The following RIOX2 variants were observed in gnomAD, a reference collection of about 807,000 sequenced individuals.
RIOX2 encodes 60S ribosomal protein L27a histidine hydroxylase.
RIOX2 carries 43 observed loss-of-function variants against 51.2 expected under a neutral mutation model. The observed-to-expected ratio is 0.84, with a 90% confidence interval of 0.66 to 1.08. RIOX2 has a LOEUF of 1.08. Ranked by LOEUF, RIOX2 falls within the 50% of genes least tolerant of loss-of-function variation. RIOX2 has a pLI of 0.00. For synonymous variants in RIOX2, 226 were observed against 218.5 expected (o/e 1.03, Z -0.30); for missense variants, 566 against 561.7 (o/e 1.01, Z -0.08).
chr3:97,945,283 A>T lies in RIOX2; in HGVS notation c.1299T>A (p.Ser433Arg). 1.9e-6 allele frequency: 3 copies of T among 1,612,642 alleles called. No individual in the cohort carries two copies. Among genetic ancestry groups the T allele is most frequent in the Non-Finnish European group, 2.5e-6 (3 of 1,178,988 alleles). ...TCAGGTCCTTGACAGAAATAGCTGGACTATTCCAAATTTGCTTCAGTGCAT... is the reference window on the plus strand; with the variant it reads ...TCAGGTCCTTGACAGAAATAGCTGGTCTATTCCAAATTTGCTTCAGTGCAT... ...HLDALKQIWN[S>R]PAISVKDLKL... The change falls in exon 10 of 10, where the codon AGT becomes AGA. Residue 433 changes from serine to arginine, a missense_variant. Ser to Arg is a moderately radical substitution (Grantham distance 110). Transcript: ENST00000394198.
At chr3:97,952,192 G>A (rs1459524972) in intron 5 of RIOX2, 2 of 1,289,720 alleles carry the variant, frequency 1.6e-6, no homozygotes, top group South Asian at 1.2e-5. Flanking sequence ...TCAAAACACA[G>A]GATCATTTCT....
Position 97,942,559 on chromosome 3 carries a change from A to G in RIOX2, c.*2625T>C. The G allele has an allele frequency of 1.0e-6, 1 of 993,506 alleles. No homozygotes were observed. The highest frequency in any genetic ancestry group is 2.3e-5 in the South Asian group (1 of 42,816). 61.5% of individuals were successfully genotyped at this position (993,506 alleles called of 1,614,324 possible). On this transcript the variant is annotated 3_prime_UTR_variant, in exon 10 of 10. Transcript: ENST00000394198. ...TAAGAGAAATGTTAAGTCATTTAAA[A>G]TTATGCTTGAAGAAAATTAAGATAG...
intron 2 of RIOX2, among the ~76,000 whole-genome samples, chr3:97,966,505 C>A (rs1184818140): frequency 6.6e-6 from 1 of 152,186 alleles, no homozygotes; most frequent in Non-Finnish European, 1.5e-5. Context: ...ATAGAGGAGG[C>A]AAATTATTTC....
At chr3:97,965,103 C>T (rs188602997) in intron 2 of RIOX2, among the ~76,000 whole-genome samples, 1 of 151,336 alleles carries the variant, frequency 6.6e-6, no homozygotes, top group Non-Finnish European at 1.5e-5. Flanking sequence ...GAAACACACA[C>T]AATGCCAAAC....
intron 2 of RIOX2, among the ~76,000 whole-genome samples, chr3:97,962,257 C>A (rs1269847165): frequency 6.6e-6 from 1 of 151,878 alleles, no homozygotes; most frequent in African/African-American, 2.4e-5. Flanking sequence ...AATCAGTTCC[C>A]CTTTCCACGT....
rs771161550 is a variant in RIOX2 at position 97,967,595 on chromosome 3, G to A, written c.-2C>T. The A allele has an allele frequency of 4.5e-5, 70 of 1,571,410 alleles. No individual in the cohort carries two copies. The highest frequency in any genetic ancestry group is 8.2e-5 in the African/African-American group (6 of 72,996). On this transcript the variant is annotated 5_prime_UTR_variant, in exon 2 of 10. The change creates a new upstream start codon in the 5' untranslated region. Transcript: ENST00000394198. ...TGTAGGCTTTGCTTTCTTTGGCATC[G>A]TTCTGTCTTCAAGACAAAGCAGTAA...
chr3:97,966,091 T>C (rs1313304758), intron 2 of RIOX2, among the ~76,000 whole-genome samples: 1 of 152,188 alleles, frequency 6.6e-6, no homozygotes, highest in Non-Finnish European at 1.5e-5. Flanking sequence ...TCATACCTCA[T>C]ACAGAGTATG....
At chr3:97,950,263 G>A (rs1316248595) in intron 6 of RIOX2, among the ~76,000 whole-genome samples, 1 of 152,136 alleles carries the variant, frequency 6.6e-6, no homozygotes, top group African/African-American at 2.4e-5. Flanking sequence ...AGAGATCCTT[G>A]GAAATATGGT....
chr3:97,942,379 G>A lies in RIOX2; in HGVS notation c.*2805C>T. Reference sequence around the variant, plus strand: ...AACATGGGCAATTCAGGCAGAAGTGGAGACTGAATAAAAATGGAACTATCA... The same window carrying A: ...AACATGGGCAATTCAGGCAGAAGTGAAGACTGAATAAAAATGGAACTATCA... On this transcript the variant is annotated 3_prime_UTR_variant, in exon 10 of 10. Transcript: ENST00000394198. 6.2e-7 allele frequency: 1 copy of A among 1,611,886 alleles called. No individual in the cohort carries two copies.
At chr3:97,952,744 G>A (rs1705295919) in intron 5 of RIOX2, among the ~76,000 whole-genome samples, 2 of 152,138 alleles carry the variant, frequency 1.3e-5, no homozygotes, top group South Asian at 4.1e-4. Flanking sequence ...CCTCTCTGTA[G>A]CCTGGAGTTT....
chr3:97,947,958 T>A (rs1194888015), intron 7 of RIOX2, among the ~76,000 whole-genome samples: 13 of 151,192 alleles, frequency 8.6e-5, no homozygotes, highest in East Asian at 1.9e-4. Context: ...CCACAGAAAA[T>A]TTTTTTTTTC....
intron 3 of RIOX2, among the ~76,000 whole-genome samples, 200 bp downstream of exon 3, chr3:97,961,389 A>G (rs1389668335): frequency 6.6e-6 from 1 of 152,228 alleles, no homozygotes; most frequent in African/African-American, 2.4e-5. Context: ...TTCCTTTGAG[A>G]CAGAGCAGGA....
rs1018053982 is a variant in RIOX2, at chr3:97,944,486, T to A, written c.*698A>T. Reference sequence around the variant, plus strand: ...AAGATTAAATTCTCCAATGATATTTTAAAAAATATCAACCTACATGCACTT... The same window carrying A: ...AAGATTAAATTCTCCAATGATATTTAAAAAAATATCAACCTACATGCACTT... On this transcript the variant is annotated 3_prime_UTR_variant, in exon 10 of 10. Coordinates refer to ENST00000394198, the MANE Select transcript of RIOX2 (RefSeq NM_153182.4). The A allele has an allele frequency of 6.6e-6, 1 of 152,420 alleles. No individual in the cohort carries two copies. The highest frequency in any genetic ancestry group is 1.5e-5 in the Non-Finnish European group (1 of 67,922). 9.4% of individuals were successfully genotyped at this position (152,420 alleles called of 1,614,324 possible).
At position 97,967,164 on chromosome 3, in the gene RIOX2, TA is replaced by T. The variant is rs1559765512; in HGVS notation, c.429del (p.Phe143LeufsTer26). 21 of 1,612,528 alleles carry T rather than the reference TA, an allele frequency of 1.3e-5. No homozygotes were observed. The highest frequency in any genetic ancestry group is 1.7e-5 in the Non-Finnish European group (20 of 1,179,136). ...TCTGCAATGGGGAAACTGGTTACCT[TA>T]AATCTCTGAGGTTGGTGAAACTGAA... Reference protein sequence around the residue: ...ATIQFHQPQRFKDELWRIQEK... With the variant: ...ATIQFHQPQRXKDELWRIQEK... On this transcript the variant is annotated frameshift_variant, in exon 2 of 10. Coordinates refer to ENST00000394198, the MANE Select transcript of RIOX2 (RefSeq NM_153182.4). LOFTEE classifies it high-confidence loss of function.
At chr3:97,969,194 T>C (rs965517009) in intron 1 of RIOX2, among the ~76,000 whole-genome samples, 1 of 151,934 alleles carries the variant, frequency 6.6e-6, no homozygotes, top group Non-Finnish European at 1.5e-5. Context: ...AAACTGATAC[T>C]ACAGGAGAGG....
chr3:97,946,838 C>T (rs1023834310), intron 8 of RIOX2, among the ~76,000 whole-genome samples: 2 of 151,732 alleles, frequency 1.3e-5, no homozygotes, highest in African/African-American at 4.8e-5. Flanking sequence ...GGCTCCAAGA[C>T]CAGATGAAAC....
At chr3:97,960,288 G>A (rs66500746) in intron 3 of RIOX2, among the ~76,000 whole-genome samples, 11,098 of 152,260 alleles carry the variant, frequency 0.073, 544 homozygotes, top group Non-Finnish European at 0.11. Flanking sequence ...TCAGATGGAC[G>A]ATTCAGCTTG....
chr3:97,972,391 C>G lies in RIOX2; in HGVS notation c.-50G>C, dbSNP rs1334475959. 6.6e-6 allele frequency: 1 copy of G among 151,326 alleles called. No homozygotes were observed. The highest frequency in any genetic ancestry group is 6.6e-5 in the Admixed American group (1 of 15,208). 9.4% of individuals were successfully genotyped at this position (151,326 alleles called of 1,614,324 possible). A position where few individuals can be genotyped will look rare whatever the true frequency, so the allele number is the denominator to read the frequency against. On this transcript the variant is annotated 5_prime_UTR_variant, in exon 1 of 10. Coordinates refer to ENST00000394198, the MANE Select transcript of RIOX2 (RefSeq NM_153182.4). ...GAGCGCCCCACTCACCCGGCACGGC[C>G]TGTTGCTCGCGGCCGCGAGCCCACT...
At chr3:97,958,555 C>A (rs1193146792) in intron 4 of RIOX2, among the ~76,000 whole-genome samples, 2 of 152,146 alleles carry the variant, frequency 1.3e-5, no homozygotes, top group Non-Finnish European at 2.9e-5. Flanking sequence ...GGTAACTATG[C>A]AGGGGGCACA....
Sources: gnomAD v4.1 joint callset for allele counts (sites outside exome capture counted in the v4.1 genomes callset) on GRCh38, gnomAD v4.1.1 for gene constraint, MANE v1.5 for transcripts, NCBI Gene and HGNC (gene_info 2026-07-23, HGNC 2026-07-21) for gene names.